The following FGD5 variants were observed in gnomAD, a reference collection of about 807,000 sequenced individuals.
FGD5 encodes FYVE, RhoGEF and PH domain containing 5.
In FGD5, 28 loss-of-function variants were observed where a neutral mutation model predicts 133.4. That is an observed-to-expected ratio of 0.21 (90% confidence interval 0.16 to 0.29). FGD5 has a LOEUF of 0.29. FGD5 is among the 10% of genes least tolerant of loss of function. The pLI, the probability that FGD5 is intolerant of heterozygous loss-of-function variation, is 1.00. For missense variants in FGD5, 1,858 were observed against 1,895.2 expected (o/e 0.98, Z 0.36); for synonymous variants, 810 against 776.5 (o/e 1.04, Z -0.72).
chr3:14,819,180 G>A lies in FGD5; in HGVS notation c.109G>A (p.Gly37Arg), dbSNP rs774502478. 1.3e-5 allele frequency: 20 copies of A among 1,551,436 alleles called. No individual in the cohort carries two copies. Among genetic ancestry groups the A allele is most frequent in the East Asian group, 2.4e-5 (1 of 40,934 alleles). Reference protein sequence around the residue: ...LNDSLNKCSNGRLPCVDRGLD... With the variant: ...LNDSLNKCSNRRLPCVDRGLD... ...TGACAGCTTGAACAAATGCAGCAAC[G>A]GGCGGCTGCCCTGTGTAGACAGGGG... Residue 37 changes from glycine to arginine, a missense_variant, in exon 1 of 20, where the codon GGG (glycine) becomes AGG (arginine). Gly to Arg is a moderately radical substitution (Grantham distance 125). This residue lies in a region of FGD5 where 5 missense variants were observed against 18.7 expected (regional missense o/e 0.27). Transcript: ENST00000285046. The surrounding 1 kb of genome is among the most constrained non-coding windows in gnomAD (Gnocchi z 4.1).
At chr3:14,852,243 A>C (rs1433960356) in intron 1 of FGD5, among the ~76,000 whole-genome samples, 1 of 152,230 alleles carries the variant, frequency 6.6e-6, no homozygotes, top group Non-Finnish European at 1.5e-5. Flanking sequence ...CATACTGTGG[A>C]ATATTACTCA....
chr3:14,831,645 G>A (rs2036710020), intron 1 of FGD5, among the ~76,000 whole-genome samples: 1 of 152,176 alleles, frequency 6.6e-6, no homozygotes, highest in Admixed American at 6.5e-5. Flanking sequence ...AGGTTGGGAA[G>A]GCTCTTGAAA....
At chr3:14,929,460 A>G (rs1278199032) in intron 18 of FGD5, among the ~76,000 whole-genome samples, 1 of 152,222 alleles carries the variant, frequency 6.6e-6, no homozygotes, top group African/African-American at 2.4e-5. Flanking sequence ...CACTCCCCCA[A>G]CAACGTGTGT....
rs535320511 is a variant in FGD5 at position 14,891,197 on chromosome 3, G to A, written c.2749-6312G>A. On this transcript the variant is annotated intron_variant, in intron 4 of 19. Coordinates refer to ENST00000285046, the MANE Select transcript of FGD5 (RefSeq NM_152536.4). ...AAATATGGAGACTCACGGGGAAAGA[G>A]TTGGGAGTCCTCCTGCCCCAGGTCG... Among the ~76,000 whole-genome samples the A allele has an allele frequency of 1.1e-4, 17 of 152,306 alleles. No homozygotes were observed. The South Asian group carries it at 2.9e-3, about 26-fold the overall frequency.
chr3:14,857,393 G>A (rs964255535), intron 1 of FGD5, among the ~76,000 whole-genome samples: 4 of 152,124 alleles, frequency 2.6e-5, no homozygotes, highest in Non-Finnish European at 4.4e-5. Flanking sequence ...GGCTTCAAGC[G>A]ATCCTCCTGC....
upstream of FGD5, chr3:14,810,810 C>G (rs528662461): frequency 1.0e-6 from 1 of 984,470 alleles, no homozygotes; most frequent in South Asian, 4.7e-5. Flanking sequence ...GACCCGCGGA[C>G]GGACTGAAAC....
chr3:14,897,891 G>A, intron 5 of FGD5, 48 bp from the exon 6 acceptor site: 1 of 1,610,474 alleles, frequency 6.2e-7, no homozygotes, highest in Middle Eastern at 1.7e-4. Context: ...ACCCTGCGTT[G>A]GTTACAAGGC....
At chr3:14,907,990 G>A (rs2038371818) in intron 10 of FGD5, among the ~76,000 whole-genome samples, 1 of 152,224 alleles carries the variant, frequency 6.6e-6, no homozygotes, top group African/African-American at 2.4e-5. Context: ...CCTCCAAGGA[G>A]AGGAAGCACC....
chr3:14,906,493 A>G (rs2038343884), intron 9 of FGD5, among the ~76,000 whole-genome samples: 1 of 152,158 alleles, frequency 6.6e-6, no homozygotes, highest in African/African-American at 2.4e-5. Context: ...CTCCTCCTGG[A>G]ACTGAAGCCT....
At chr3:14,824,021 C>G (rs2036556687) in intron 1 of FGD5, among the ~76,000 whole-genome samples, 2 of 152,194 alleles carry the variant, frequency 1.3e-5, no homozygotes, top group African/African-American at 4.8e-5. Context: ...AGCCTAGGGC[C>G]TTGGTTGAGT....
At chr3:14,875,845 C>T (rs536103455) in intron 2 of FGD5, among the ~76,000 whole-genome samples, 5 of 152,086 alleles carry the variant, frequency 3.3e-5, no homozygotes, top group Admixed American at 6.5e-5. Context: ...AGGAGGTGAG[C>T]ACAGGGCATT....
intron 1 of FGD5, among the ~76,000 whole-genome samples, chr3:14,849,164 T>C (rs144914749): frequency 1.5e-4 from 23 of 152,310 alleles, no homozygotes; most frequent in African/African-American, 5.3e-4. Flanking sequence ...TGTCTGGCCC[T>C]GTGTGATGGA....
At chr3:14,836,002 C>T (rs2036809671) in intron 1 of FGD5, among the ~76,000 whole-genome samples, 1 of 152,154 alleles carries the variant, frequency 6.6e-6, no homozygotes, top group Admixed American at 6.5e-5. Flanking sequence ...AGATGAAGAG[C>T]AGAAAGGAAC....
intron 2 of FGD5, among the ~76,000 whole-genome samples, chr3:14,876,857 C>T (rs565720428): frequency 2.3e-4 from 35 of 152,296 alleles, no homozygotes; most frequent in Middle Eastern, 3.4e-3. Flanking sequence ...ACAGAGGACC[C>T]GGATTCTTGA....
At chr3:14,932,953 C>T (rs1477412210) in intron 19 of FGD5, among the ~76,000 whole-genome samples, 178 bp from the exon 20 acceptor site, 4 of 152,090 alleles carry the variant, frequency 2.6e-5, no homozygotes, top group African/African-American at 9.7e-5. Context: ...AAGCTTTTGC[C>T]CTGTGTTCCA....
chr3:14,906,192 G>A (rs1025666479), intron 9 of FGD5, among the ~76,000 whole-genome samples: 8 of 152,162 alleles, frequency 5.3e-5, no homozygotes, highest in Non-Finnish European at 1.2e-4. Flanking sequence ...TCAGAGGCAG[G>A]CTACTGCCCT....
At position 14,820,624 on chromosome 3, in the gene FGD5, A is replaced by C. The variant is rs766166272; in HGVS notation, c.1553A>C (p.Glu518Ala). 5.2e-5 allele frequency: 83 copies of C among 1,604,570 alleles called. No homozygotes were observed. The highest frequency in any genetic ancestry group is 3.7e-5 in the Non-Finnish European group (43 of 1,175,852). ...SAPGIGGAAEEVGKTLLSLEG... is the reference protein window; with the variant it reads ...SAPGIGGAAEAVGKTLLSLEG... ...CCTGGCATTGGAGGTGCCGCAGAGG[A>C]GGTGGGAAAGACGCTTTTGTCATTG... The change falls in exon 1 of 20, where the codon GAG becomes GCG. Residue 518 changes from glutamate to alanine, a missense_variant. Coordinates refer to ENST00000285046, the MANE Select transcript of FGD5 (RefSeq NM_152536.4).
intron 4 of FGD5, among the ~76,000 whole-genome samples, chr3:14,882,894 G>T (rs138101964): frequency 6.6e-6 from 1 of 152,240 alleles, no homozygotes; most frequent in Non-Finnish European, 1.5e-5. Flanking sequence ...CCCTGGCTTC[G>T]AATCTATCCC....
In FGD5 at chr3:14,820,014, C is replaced by T. The variant is rs1458076314; in HGVS notation, c.943C>T (p.His315Tyr). ...AGTGGCAGCCGCCACCCTGGAGGAC[C>T]ATGCACAGGATGAGTCCGCCGAGGA... Reference protein sequence around the residue: ...QEVAAATLEDHAQDESAEESC... With the variant: ...QEVAAATLEDYAQDESAEESC... Residue 315 changes from histidine (H) to tyrosine (Y), a missense_variant, in exon 1 of 20, where the codon CAT (histidine) becomes TAT (tyrosine). This residue lies in a region of FGD5 where 1,824 missense variants were observed against 1,848.9 expected (regional missense o/e 0.99). Coordinates refer to ENST00000285046, the MANE Select transcript of FGD5 (RefSeq NM_152536.4). The T allele has an allele frequency of 3.7e-6, 6 of 1,613,860 alleles. No homozygotes were observed. The highest frequency in any genetic ancestry group is 1.7e-5 in the Admixed American group (1 of 60,008).
Sources: allele counts gnomAD v4.1 joint callset (sites outside exome capture counted in the v4.1 genomes callset), GRCh38; gene constraint gnomAD v4.1.1; regional missense constraint gnomAD v4.1.1; non-coding constraint Gnocchi (gnomAD v3.1); transcripts MANE v1.5; gene names NCBI Gene and HGNC (gene_info 2026-07-23, HGNC 2026-07-21).